Variants in RBFOX1 observed in about 807,000 individuals in gnomAD.
The protein encoded by RBFOX1 is RNA binding fox-1 homolog 1, also known as RNA binding protein fox-1 homolog 1.
In RBFOX1, 8 loss-of-function variants were observed where a neutral mutation model predicts 57.7. The observed-to-expected ratio is 0.14, with a 90% CI of 0.08 to 0.25. RBFOX1 has a LOEUF of 0.25. Among genes scored for constraint, RBFOX1 ranks in the 10% least tolerant of loss-of-function variants. The pLI is 1.00. For synonymous variants in RBFOX1, 326 were observed against 222.4 expected, an observed-to-expected ratio of 1.47 and a Z score of -4.15; for missense variants, 611 against 548.5, an observed-to-expected ratio of 1.11 and a Z score of -1.14.
chr16:7,253,544 A>G (rs1473441089), intron 4 of RBFOX1, among the ~76,000 whole-genome samples: 1 of 151,830 alleles, frequency 6.6e-6, no homozygotes, highest in Non-Finnish European at 1.5e-5. Flanking sequence ...CATTAAATGC[A>G]CTCTCACCTC....
chr16:5,403,550 T>C (rs148691631), intron 1 of RBFOX1, among the ~76,000 whole-genome samples: 39 of 152,202 alleles, frequency 2.6e-4, no homozygotes, highest in African/African-American at 8.9e-4. Flanking sequence ...GTTTAAGGAA[T>C]TCTCCTGCCT....
intron 1 of RBFOX1, among the ~76,000 whole-genome samples, chr16:6,237,436 C>G (rs2097513510): frequency 6.6e-6 from 1 of 152,110 alleles, no homozygotes. Flanking sequence ...CCTCAGGTTA[C>G]CTAACTAGTA....
chr16:7,173,042 T>C (rs551239391), intron 4 of RBFOX1, among the ~76,000 whole-genome samples: 29 of 152,226 alleles, frequency 1.9e-4, no homozygotes, highest in African/African-American at 5.8e-4. Context: ...CTGGTAGAAA[T>C]AAGATATTAG....
chr16:6,404,507 ACTACAAATGGAGTGCGTGTGTGTTCT>A (rs2093202334), intron 2 of RBFOX1, among the ~76,000 whole-genome samples: 1 of 152,206 alleles, frequency 6.6e-6, no homozygotes, highest in African/African-American at 2.4e-5. Context: ...GTAGTTGTAT[ACTACAAATGGAGTGCGTGTGTGTTCT>A]CTACTCTAAT....
In RBFOX1 at chr16:7,212,654, C is replaced by G. The variant is rs1196637441; in HGVS notation, c.27+160556C>G. ...TTTAGAAAAAAAACGAGAAAATAGC[C>G]TCAATATTTGAGGAGTGTAGTTATT... is the stretch of plus-strand genomic sequence containing the variant. On this transcript the variant is annotated intron_variant, in intron 4 of 15. Transcript: ENST00000550418. 2.6e-5 allele frequency among the ~76,000 whole-genome samples: 4 copies of G among 152,148 alleles called. No homozygotes were observed. In the South Asian group the frequency reaches 6.2e-4, roughly 24 times the overall value.
At chr16:6,586,966 G>A (rs77465017) in intron 2 of RBFOX1, among the ~76,000 whole-genome samples, 1 of 152,064 alleles carries the variant, frequency 6.6e-6, no homozygotes. Context: ...CTTAAATTGG[G>A]TTTAAATGAG....
chr16:5,433,481 C>G (rs933182974), intron 1 of RBFOX1, among the ~76,000 whole-genome samples: 12 of 152,122 alleles, frequency 7.9e-5, no homozygotes, highest in African/African-American at 2.9e-4. Context: ...GATTATAGCT[C>G]CTGATGGCAT....
chr16:5,777,382 A>C (rs1476606427), intron 3 of RBFOX1, among the ~76,000 whole-genome samples: 2 of 152,210 alleles, frequency 1.3e-5, no homozygotes, highest in African/African-American at 4.8e-5. Context: ...AAAATACCTC[A>C]TCTCAAGTAC....
chr16:6,145,285 T>C (rs150201809), intron 1 of RBFOX1, among the ~76,000 whole-genome samples: 2,956 of 152,224 alleles, frequency 0.019, 50 homozygotes, highest in South Asian at 0.03. Flanking sequence ...GAGCATGCAG[T>C]ATTTGGTTTT....
chr16:5,899,475 T>C (rs1172020826), intron 4 of RBFOX1, among the ~76,000 whole-genome samples: 1 of 152,156 alleles, frequency 6.6e-6, no homozygotes, highest in African/African-American at 2.4e-5. Context: ...AAAGTAGCAT[T>C]TGAAATCAAG....
At chr16:7,519,808 G>C in intron 5 of RBFOX1, 1 of 817,422 alleles carries the variant, frequency 1.2e-6, no homozygotes. Flanking sequence ...CATTTCCTGT[G>C]ATAAAAGAAA....
At chr16:6,447,113 A>G (rs1458739355) in intron 2 of RBFOX1, among the ~76,000 whole-genome samples, 1 of 152,246 alleles carries the variant, frequency 6.6e-6, no homozygotes, top group Admixed American at 6.5e-5. Context: ...GCGAACTGTT[A>G]AAATTCATTC....
At chr16:7,175,325 TCGC>T (rs2081440143) in intron 4 of RBFOX1, among the ~76,000 whole-genome samples, 1 of 152,194 alleles carries the variant, frequency 6.6e-6, no homozygotes, top group Non-Finnish European at 1.5e-5. Flanking sequence ...ATAACCTTCT[TCGC>T]CTGTGAAATG....
intron 1 of RBFOX1, among the ~76,000 whole-genome samples, chr16:6,145,276 A>G (rs1048259284): frequency 1.3e-5 from 2 of 152,050 alleles, no homozygotes; most frequent in Admixed American, 6.6e-5. Context: ...TATAAGTGAG[A>G]GCATGCAGTA....
chr16:7,120,184 G>T (rs1450979911), intron 4 of RBFOX1, among the ~76,000 whole-genome samples: 1 of 152,030 alleles, frequency 6.6e-6, no homozygotes, highest in African/African-American at 2.4e-5. Flanking sequence ...GGAAGCGAAA[G>T]CAGTGCTTAG....
At chr16:5,997,403 G>A (rs185058567) in intron 4 of RBFOX1, among the ~76,000 whole-genome samples, 1 of 152,340 alleles carries the variant, frequency 6.6e-6, no homozygotes, top group Non-Finnish European at 1.5e-5. Context: ...GTAGCTACAT[G>A]ATAGGATTGA....
chr16:7,416,146 C>T (rs1167073612), intron 4 of RBFOX1, among the ~76,000 whole-genome samples: 1 of 152,136 alleles, frequency 6.6e-6, no homozygotes, highest in African/African-American at 2.4e-5. Context: ...GTAATATTTG[C>T]CCAATGATGA....
At chr16:5,832,256 G>A (rs1469865763) in intron 3 of RBFOX1, among the ~76,000 whole-genome samples, 3 of 152,212 alleles carry the variant, frequency 2.0e-5, no homozygotes, top group Non-Finnish European at 4.4e-5. Flanking sequence ...CCTGAAACAG[G>A]AGTAAGGCTG....
chr16:7,041,509 A>C (rs909047371), intron 3 of RBFOX1, among the ~76,000 whole-genome samples: 2 of 152,112 alleles, frequency 1.3e-5, no homozygotes, highest in Non-Finnish European at 2.9e-5. Flanking sequence ...CGCTGTCCTT[A>C]CTTCCTCATT....
Sources: gnomAD v4.1 joint callset for allele counts (sites outside exome capture counted in the v4.1 genomes callset) on GRCh38, gnomAD v4.1.1 for gene constraint, MANE v1.5 for transcripts, NCBI Gene and HGNC (gene_info 2026-07-23, HGNC 2026-07-21) for gene names.